DHRS11: variants seen among roughly 807,000 people sequenced by gnomAD.
DHRS11 encodes the protein dehydrogenase/reductase SDR family member 11.
DHRS11 carries 18 observed loss-of-function variants against 30.7 expected under a neutral mutation model. The observed-to-expected ratio is 0.59, with a 90% CI of 0.41 to 0.87. DHRS11 has a LOEUF of 0.87. Among genes scored for constraint, DHRS11 ranks in the 40% least tolerant of loss-of-function variants. DHRS11 has a pLI of 0.00. For synonymous variants in DHRS11, 123 were observed against 139.6 expected (o/e 0.88, Z 0.84); for missense variants, 300 against 349.0 (o/e 0.86, Z 1.12).
chr17:36,594,988 T>TA lies in DHRS11; in HGVS notation c.167dup (p.Ser57GlufsTer14). 1 of 1,614,218 alleles carries TA rather than the reference T, an allele frequency of 6.2e-7. No individual in the cohort carries two copies. The highest frequency in any genetic ancestry group is 8.5e-7 in the Non-Finnish European group (1 of 1,180,038). On this transcript the variant is annotated frameshift_variant, in exon 2 of 7. Transcript: ENST00000618403. LOFTEE classifies it high-confidence loss of function. ...TTTCATAGGAGCTGGCTGCTGAATG[T>TA]AAGAGTGCAGGCTACCCCGGGACTT...
chr17:36,599,521 C>T, intron 4 of DHRS11, 150 bp from the exon 5 acceptor site: 1 of 699,578 alleles, frequency 1.4e-6, no homozygotes, highest in East Asian at 2.6e-5. Flanking sequence ...TGGTCACTGC[C>T]AGTGGCAGCT....
chr17:36,600,520 C>T lies in DHRS11; in HGVS notation c.*317C>T. 1 of 528,714 alleles carries T rather than the reference C, an allele frequency of 1.9e-6. No individual in the cohort carries two copies. The highest frequency in any genetic ancestry group is 3.4e-6 in the Non-Finnish European group (1 of 294,696). The allele number at this position is 528,714 out of a possible 1,614,324, so 32.8% of individuals were successfully genotyped here. On this transcript the variant is annotated 3_prime_UTR_variant, in exon 7 of 7. Coordinates refer to ENST00000618403, the MANE Select transcript of DHRS11 (RefSeq NM_024308.4). ...GGGAAAGGAGTTGTGGCCAAAATCCCCATCTTCTTGCACCTCAACGTCTGT... is the reference window on the plus strand; with the variant it reads ...GGGAAAGGAGTTGTGGCCAAAATCCTCATCTTCTTGCACCTCAACGTCTGT...
chr17:36,594,127 T>A (rs2142812202), intron 1 of DHRS11, among the ~76,000 whole-genome samples: 1 of 151,986 alleles, frequency 6.6e-6, no homozygotes, highest in East Asian at 1.9e-4. Flanking sequence ...CTCCTTTAGG[T>A]AGGGAGAGAA....
chr17:36,598,576 G>C, intron 3 of DHRS11: 1 of 500,534 alleles, frequency 2.0e-6, no homozygotes, highest in Admixed American at 3.7e-5. Context: ...CCACTGGGGA[G>C]CCCCAGTCTG....
rs2074773428 is a variant in DHRS11 at position 36,592,254 on chromosome 17, G to A, written c.147+98G>A. The A allele has an allele frequency of 1.6e-6, 2 of 1,214,604 alleles. No homozygotes were observed. Among genetic ancestry groups the A allele is most frequent in the African/African-American group, 1.6e-5 (1 of 63,870 alleles). 75.2% of individuals were successfully genotyped at this position (1,214,604 alleles called of 1,614,324 possible). A position where few individuals can be genotyped will look rare whatever the true frequency, so the allele number is the denominator to read the frequency against. On this transcript the variant is annotated intron_variant, in intron 1 of 6. Transcript: ENST00000618403. The surrounding 1 kb of genome is among the most constrained non-coding windows in gnomAD (Gnocchi z 4.4). ...GCCGGGGCCCTTTGCTCTAGTCGGG[G>A]CGGCCTCTCGGATCCCTTAAGGCAG...
Position 36,595,129 on chromosome 17 carries a change from G to T in DHRS11, c.306G>T (p.Arg102=). Reference sequence around the variant, plus strand: ...GCATCAACAATGCTGGCTTGGCCCGGCCTGACACCCTGCTCTCAGGCAGCA... The same window carrying T: ...GCATCAACAATGCTGGCTTGGCCCGTCCTGACACCCTGCTCTCAGGCAGCA... The part of the protein sequence containing the change: ...DICINNAGLA[R]PDTLLSGSTS... Residue 102 remains arginine (R), a synonymous_variant, in exon 2 of 7, where the codon CGG becomes CGT. Transcript: ENST00000618403. The T allele has an allele frequency of 6.2e-7, 1 of 1,614,080 alleles. No individual in the cohort carries two copies.
Position 36,600,297 on chromosome 17 carries a change from C to A in DHRS11, c.*94C>A. ...TTGATTTCTGGATCACGGGATACCA[C>A]TTCCTGTCCACACCCCGACCAGGGG... On this transcript the variant is annotated 3_prime_UTR_variant, in exon 7 of 7. Transcript: ENST00000618403. 1 of 1,474,654 alleles carries A rather than the reference C, an allele frequency of 6.8e-7. No individual in the cohort carries two copies. The allele number at this position is 1,474,654 out of a possible 1,614,324, so 91.3% of individuals were successfully genotyped here. A position where few individuals can be genotyped will look rare whatever the true frequency, so the allele number is the denominator to read the frequency against.
chr17:36,594,004 G>T lies in DHRS11; in HGVS notation c.148-967G>T, dbSNP rs548512340. ...CTGAGGGCCTGGAGATGCACAGGGG[G>T]TGTTCAATGGCACCTGCCACCTGAA... On this transcript the variant is annotated intron_variant, in intron 1 of 6. Transcript: ENST00000618403. Among the ~76,000 whole-genome samples, 32 of 152,366 alleles carry T rather than the reference G, an allele frequency of 2.1e-4. No homozygotes were observed. In the South Asian group the frequency reaches 6.6e-3, roughly 32 times the overall value.
At chr17:36,593,907 T>C (rs2074788154) in intron 1 of DHRS11, among the ~76,000 whole-genome samples, 1 of 152,234 alleles carries the variant, frequency 6.6e-6, no homozygotes. Context: ...TATTTTCTTC[T>C]TGCCTCTGAA....
chr17:36,597,068 C>T (rs1204671779), intron 2 of DHRS11: 2 of 330,018 alleles, frequency 6.1e-6, no homozygotes, highest in African/African-American at 4.3e-5. Context: ...TTTCCCTGCC[C>T]CTGATACCCT....
chr17:36,595,339 C>T lies in DHRS11; in HGVS notation c.357+159C>T, dbSNP rs564361373. On this transcript the variant is annotated intron_variant, in intron 2 of 6. Transcript: ENST00000618403. The stretch of plus-strand genomic sequence containing the variant: ...CTTGACTCTCTCTTGGCTTCTTGCC[C>T]TACCAGAGGGATAGAGAGTGGATGA... 2.1e-4 allele frequency among the ~76,000 whole-genome samples: 32 copies of T among 151,370 alleles called. 2 individuals carry two copies. The highest frequency in any genetic ancestry group is 7.5e-4 in the African/African-American group (31 of 41,368).
At position 36,599,046 on chromosome 17, in the gene DHRS11, C is replaced by A; in HGVS notation, c.578C>A (p.Ala193Asp). 6.2e-7 allele frequency: 1 copy of A among 1,611,428 alleles called. No individual in the cohort carries two copies. The highest frequency in any genetic ancestry group is 8.5e-7 in the Non-Finnish European group (1 of 1,179,902). The change falls in exon 4 of 7, where the codon GCC (alanine) becomes GAC (aspartate). Residue 193 changes from alanine (A) to aspartate (D), a missense_variant. Physicochemically the swap from Ala to Asp is moderately radical, Grantham distance 126 (BLOSUM62 -2). Coordinates refer to ENST00000618403, the MANE Select transcript of DHRS11 (RefSeq NM_024308.4). ...ELREAQTHIR[A>D]TCISPGVVET... ...CGGGAGGCCCAGACCCACATCCGAG[C>A]CACGGTGAGGCTGTGGCCTAGCCCT...
rs748817184 is a variant in DHRS11, at chr17:36,599,703, C to T, written c.615C>T (p.Phe205=). 1.9e-5 allele frequency: 31 copies of T among 1,614,028 alleles called. 1 individual carries two copies. The highest frequency in any genetic ancestry group is 5.0e-5 in the Admixed American group (3 of 60,000). Residue 205 remains phenylalanine (F), a synonymous_variant, in exon 5 of 7, where the codon TTC becomes TTT. Coordinates refer to ENST00000618403, the MANE Select transcript of DHRS11 (RefSeq NM_024308.4). ...CISPGVVETQ[F]AFKLHDKDPE... is the part of the protein sequence containing the mutation. ...CTCCAGGTGTGGTGGAGACACAATT[C>T]GCCTTCAAACTCCACGACAAGGACC...
In DHRS11 at chr17:36,595,103, T is replaced by A; in HGVS notation, c.280T>A (p.Cys94Ser). ...TTCTCAGCACAGCGGTGTAGACATC[T>A]GCATCAACAATGCTGGCTTGGCCCG... is the stretch of plus-strand genomic sequence containing the variant. ...IRSQHSGVDICINNAGLARPD... is the reference protein window; with the variant it reads ...IRSQHSGVDISINNAGLARPD... The change falls in exon 2 of 7, where the codon TGC becomes AGC. Residue 94 changes from cysteine (C) to serine (S), a missense_variant. Physicochemically the swap from Cys to Ser is moderately radical, Grantham distance 112. Transcript: ENST00000618403. The A allele has an allele frequency of 6.2e-7, 1 of 1,614,202 alleles. No homozygotes were observed. The highest frequency in any genetic ancestry group is 8.5e-7 in the Non-Finnish European group (1 of 1,180,040).
At position 36,600,096 on chromosome 17, in the gene DHRS11, G is replaced by C. The variant is rs1419459181; in HGVS notation, c.741+59G>C. On this transcript the variant is annotated intron_variant, in intron 6 of 6. Coordinates refer to ENST00000618403, the MANE Select transcript of DHRS11 (RefSeq NM_024308.4). ...GAACCCAACCAGCCCCAGAGGAGGG[G>C]AGCAGGGAGCCCTGCAGGGCCAGGG... The C allele has an allele frequency of 2.5e-6, 4 of 1,613,830 alleles. No homozygotes were observed. The East Asian group carries it at 6.7e-5, about 27-fold the overall frequency.
Position 36,598,195 on chromosome 17 carries a change from G to A in DHRS11, c.390G>A (p.Arg130=), listed in dbSNP as rs772912565. ...VNVLALSICT[R]EAYQSMKERN... ...TGCTGGCCCTCAGCATCTGCACACG[G>A]GAAGCCTACCAGTCCATGAAGGAGC... Residue 130 remains arginine (R), a synonymous_variant, in exon 3 of 7, where the codon CGG becomes CGA. Coordinates refer to ENST00000618403, the MANE Select transcript of DHRS11 (RefSeq NM_024308.4). 35 of 1,613,994 alleles carry A rather than the reference G, an allele frequency of 2.2e-5. No homozygotes were observed. In the East Asian group the frequency reaches 6.7e-4, roughly 31 times the overall value.
chr17:36,598,886 A>G, intron 3 of DHRS11, 35 bp from the exon 4 acceptor site: 1 of 1,591,532 alleles, frequency 6.3e-7, no homozygotes, highest in East Asian at 2.2e-5. Context: ...CTGGAACTTC[A>G]TTCTCTCCTC....
intron 2 of DHRS11, chr17:36,597,827 T>C: frequency 4.7e-6 from 2 of 421,964 alleles, no homozygotes; most frequent in Non-Finnish European, 4.3e-6. Context: ...CCCTATGGAA[T>C]TAGAGGGTCT....
intron 2 of DHRS11, 50 bp from the exon 3 acceptor site, chr17:36,598,113 G>C (rs1206031947): frequency 1.3e-6 from 2 of 1,579,104 alleles, no homozygotes; most frequent in East Asian, 4.5e-5. Flanking sequence ...TCCATCACTT[G>C]CTCAGTTGGG....
Sources: gnomAD v4.1 joint callset for allele counts (sites outside exome capture counted in the v4.1 genomes callset) on GRCh38, gnomAD v4.1.1 for gene constraint, Gnocchi (gnomAD v3.1) non-coding constraint, MANE v1.5 for transcripts, NCBI Gene and HGNC (gene_info 2026-07-23, HGNC 2026-07-21) for gene names.